USO1: variants seen among roughly 807,000 people sequenced by gnomAD.
USO1 encodes the protein USO1 vesicle transport factor.
A neutral mutation model predicts 124.5 loss-of-function variants in USO1; 57 were observed. The ratio of observed to expected loss-of-function variants is 0.46; its 90% CI spans 0.37 to 0.57. USO1 has a LOEUF of 0.57. Ranked by LOEUF, USO1 falls within the 20% of genes least tolerant of loss-of-function variation. USO1 has a pLI of 0.00. For synonymous variants in USO1, 369 were observed against 362.8 expected (o/e 1.02, Z -0.19); for missense variants, 900 against 1,040.6 (o/e 0.86, Z 1.86).
At position 75,751,129 on chromosome 4, in the gene USO1, A is replaced by G. The variant is rs1016592657; in HGVS notation, c.67-1244A>G. Among the ~76,000 whole-genome samples, 871 of 151,948 alleles carry G rather than the reference A, an allele frequency of 5.7e-3. 16 individuals are homozygous for G. Among genetic ancestry groups the G allele is most frequent in the African/African-American group, 0.02 (815 of 41,524 alleles). On this transcript the variant is annotated intron_variant, in intron 1 of 23. Coordinates refer to ENST00000514213, the MANE Select transcript of USO1 (RefSeq NM_003715.4). The stretch of plus-strand genomic sequence containing the variant: ...AAGTTGTTATCTGTTTTTTCCTATT[A>G]TTAATAATGTTCCAAGATTTGTTTT...
intron 17 of USO1, among the ~76,000 whole-genome samples, chr4:75,801,531 T>C (rs1350476803): frequency 6.6e-6 from 1 of 152,222 alleles, no homozygotes; most frequent in Non-Finnish European, 1.5e-5. Context: ...AAATGTTTTC[T>C]TGACTTTTAC....
At chr4:75,803,687 A>C (rs948209598) in intron 17 of USO1, among the ~76,000 whole-genome samples, 4 of 151,518 alleles carry the variant, frequency 2.6e-5, no homozygotes, top group African/African-American at 9.7e-5. Flanking sequence ...TCAAATTCCA[A>C]CTATAGTTTT....
intron 4 of USO1, among the ~76,000 whole-genome samples, chr4:75,759,610 G>C (rs1721544125): frequency 7.1e-6 from 1 of 141,276 alleles, no homozygotes; most frequent in Admixed American, 7.1e-5. Flanking sequence ...AAAAAGAAAA[G>C]AAAGAAAGTA....
chr4:75,756,169 CAAA>C (rs11451328), intron 3 of USO1, among the ~76,000 whole-genome samples: 4 of 112,184 alleles, frequency 3.6e-5, no homozygotes, highest in Non-Finnish European at 1.8e-5. Flanking sequence ...GACTCCGTCT[CAAA>C]AAAAAAAAAA....
intron 10 of USO1, among the ~76,000 whole-genome samples, chr4:75,788,456 A>G (rs561682477): frequency 1.4e-4 from 22 of 151,838 alleles, no homozygotes; most frequent in South Asian, 1.2e-3. Flanking sequence ...ACAGGAGCCA[A>G]TGCTCCTGGC....
chr4:75,744,056 A>G (rs1721048455), intron 1 of USO1, among the ~76,000 whole-genome samples: 1 of 152,192 alleles, frequency 6.6e-6, no homozygotes, highest in African/African-American at 2.4e-5. Flanking sequence ...GATTACAGGC[A>G]TGAGCCACTG....
chr4:75,761,345 G>A (rs556047059), intron 4 of USO1, among the ~76,000 whole-genome samples: 1 of 152,226 alleles, frequency 6.6e-6, no homozygotes, highest in African/African-American at 2.4e-5. Context: ...CCAGGAGTTC[G>A]AGGCTGCAGT....
intron 12 of USO1, among the ~76,000 whole-genome samples, chr4:75,793,224 TTTTTGAAGATAAGGTATCACTC>T: frequency 6.8e-6 from 1 of 147,482 alleles, no homozygotes; most frequent in African/African-American, 2.5e-5. Flanking sequence ...TTTTTTTTTT[TTTTTGAAGATAAGGTATCACTC>T]TTGTCCAGGT....
rs74900894 is a variant in USO1 at position 75,737,069 on chromosome 4, A to T, written c.66+12184A>T. On this transcript the variant is annotated intron_variant, in intron 1 of 23. Transcript: ENST00000514213. ...GAGGATGTGGCTAGTGCTCAAATCC[A>T]GCCAGTTATTGCCTCATGAAATGTT... Among the ~76,000 whole-genome samples, 228 of 152,308 alleles carry T rather than the reference A, an allele frequency of 1.5e-3. 5 individuals carry two copies. The East Asian group carries it at 0.029, about 19-fold the overall frequency.
intron 20 of USO1, 37 bp downstream of exon 20, chr4:75,806,609 G>C (rs1390472360): frequency 1.3e-6 from 2 of 1,544,354 alleles, no homozygotes; most frequent in African/African-American, 2.8e-5. Flanking sequence ...ACTTTGTCAT[G>C]TTTTAATTAT....
At position 75,805,239 on chromosome 4, in the gene USO1, T is replaced by C; in HGVS notation, c.2225T>C (p.Leu742Ser). 1 of 1,612,586 alleles carries C rather than the reference T, an allele frequency of 6.2e-7. No homozygotes were observed. The highest frequency in any genetic ancestry group is 8.5e-7 in the Non-Finnish European group (1 of 1,179,214). Residue 742 changes from leucine (L) to serine (S), a missense_variant, in exon 19 of 24, where the codon TTA (leucine) becomes TCA (serine). Leu to Ser is a moderately radical substitution (Grantham distance 145). This residue lies in a region of USO1 where 362 missense variants were observed against 359.0 expected (regional missense o/e 1.01). Coordinates refer to ENST00000514213, the MANE Select transcript of USO1 (RefSeq NM_003715.4). The part of the protein sequence containing the change: ...IGRLREEIEE[L>S]KRNQELLQSQ... ...AGATTGCGAGAAGAGATAGAAGAATTAAAACGTAATCAGGAACTTTTACAA... is the reference window on the plus strand; with the variant it reads ...AGATTGCGAGAAGAGATAGAAGAATCAAAACGTAATCAGGAACTTTTACAA...
chr4:75,742,111 T>C (rs1474824250), intron 1 of USO1, among the ~76,000 whole-genome samples: 2 of 152,242 alleles, frequency 1.3e-5, no homozygotes, highest in African/African-American at 4.8e-5. Flanking sequence ...CAGTTAACTT[T>C]TATTTTTTGT....
chr4:75,766,581 G>A (rs1470224668), intron 4 of USO1, among the ~76,000 whole-genome samples: 13 of 152,178 alleles, frequency 8.5e-5, no homozygotes, highest in Admixed American at 8.5e-4. Context: ...GAAATGTCAG[G>A]AGTGCCAAGG....
chr4:75,784,296 A>G (rs538637701), intron 9 of USO1, among the ~76,000 whole-genome samples: 119 of 152,326 alleles, frequency 7.8e-4, no homozygotes, highest in African/African-American at 2.8e-3. Flanking sequence ...CTGCTGTTAT[A>G]GGTGTGAGCC....
intron 14 of USO1, 27 bp downstream of exon 14, chr4:75,799,759 A>G (rs1302622965): frequency 8.7e-6 from 14 of 1,608,238 alleles, no homozygotes; most frequent in Non-Finnish European, 1.0e-5. Context: ...AGTAACGTAC[A>G]TGTAAGTATT....
At chr4:75,786,906 C>G (rs937238017) in intron 9 of USO1, among the ~76,000 whole-genome samples, 156 bp from the exon 10 acceptor site, 1 of 152,182 alleles carries the variant, frequency 6.6e-6, no homozygotes, top group Admixed American at 6.5e-5. Flanking sequence ...TATCACAGAA[C>G]TTATTGCCAT....
chr4:75,724,587 T>C lies in USO1; in HGVS notation c.-233T>C. 1.8e-6 allele frequency: 1 copy of C among 552,272 alleles called. No individual in the cohort carries two copies. The highest frequency in any genetic ancestry group is 3.2e-6 in the Non-Finnish European group (1 of 309,690). The allele number at this position is 552,272 out of a possible 1,614,324, so 34.2% of individuals were successfully genotyped here. ...CTCTCGCCTCCGCTCCCCTTTTGCC[T>C]TCAACCTTCGAGCCGCCACGTAATG... On this transcript the variant is annotated 5_prime_UTR_variant, in exon 1 of 24. Coordinates refer to ENST00000514213, the MANE Select transcript of USO1 (RefSeq NM_003715.4).
chr4:75,748,952 AT>A (rs781285668), intron 1 of USO1, among the ~76,000 whole-genome samples: 185 of 148,290 alleles, frequency 1.2e-3, no homozygotes, highest in African/African-American at 4.2e-3. Context: ...AGTAAAAAAA[AT>A]ATATATATAC....
intron 13 of USO1, among the ~76,000 whole-genome samples, chr4:75,794,608 G>C (rs3796481): frequency 6.6e-6 from 1 of 151,966 alleles, no homozygotes; most frequent in Non-Finnish European, 1.5e-5. Flanking sequence ...TTGACGTTTA[G>C]AGTCACTCAG....
Sources: allele counts gnomAD v4.1 joint callset (sites outside exome capture counted in the v4.1 genomes callset), GRCh38; gene constraint gnomAD v4.1.1; regional missense constraint gnomAD v4.1.1; transcripts MANE v1.5; gene names NCBI Gene and HGNC (gene_info 2026-07-23, HGNC 2026-07-21).